Variants in IGF1R observed in about 807,000 individuals in gnomAD.
IGF1R encodes insulin like growth factor 1 receptor, also known as insulin-like growth factor 1 receptor.
Under a neutral mutation model 144.6 loss-of-function variants are expected in IGF1R, and 44 were observed. The ratio of observed to expected loss-of-function variants is 0.30; its 90% CI spans 0.24 to 0.39. IGF1R has a LOEUF of 0.39. Ranked by LOEUF, IGF1R falls within the 10% of genes least tolerant of loss-of-function variation. The pLI is 1.00. For synonymous variants in IGF1R, 795 were observed against 722.8 expected (o/e 1.10, Z -1.60); for missense variants, 1,355 against 1,833.7 (o/e 0.74, Z 4.77).
chr15:98,895,087 A>AT (rs977863403), intron 3 of IGF1R, among the ~76,000 whole-genome samples: 4 of 151,844 alleles, frequency 2.6e-5, no homozygotes, highest in African/African-American at 9.6e-5. Context: ...TGTTAGGGAC[A>AT]TTGGGGACTA....
At chr15:98,692,196 G>A (rs2053493618) in intron 1 of IGF1R, among the ~76,000 whole-genome samples, 1 of 152,072 alleles carries the variant, frequency 6.6e-6, no homozygotes, top group Non-Finnish European at 1.5e-5. Context: ...AAATTAGCTG[G>A]GCATGGTGGT....
intron 2 of IGF1R, among the ~76,000 whole-genome samples, chr15:98,819,495 A>C (rs914155907): frequency 3.9e-5 from 6 of 152,128 alleles, no homozygotes; most frequent in Non-Finnish European, 7.4e-5. Flanking sequence ...GCCCTCCGTG[A>C]ACCAGAAAGT....
At chr15:98,652,656 CA>C (rs1319696903) in intron 1 of IGF1R, among the ~76,000 whole-genome samples, 1 of 152,106 alleles carries the variant, frequency 6.6e-6, no homozygotes, top group Non-Finnish European at 1.5e-5. Flanking sequence ...AGAAGTCAGT[CA>C]CAAAAGACCA....
intron 19 of IGF1R, among the ~76,000 whole-genome samples, chr15:98,944,921 T>C (rs2016495995): frequency 6.6e-6 from 1 of 152,248 alleles, no homozygotes; most frequent in African/African-American, 2.4e-5. Context: ...TGTAGCACAA[T>C]TGCATACCTT....
At chr15:98,686,893 G>A (rs1295929654) in intron 1 of IGF1R, among the ~76,000 whole-genome samples, 4 of 152,152 alleles carry the variant, frequency 2.6e-5, no homozygotes, top group African/African-American at 9.7e-5. Context: ...TGGTCTGGAA[G>A]TCCTGGCCTC....
At chr15:98,808,038 AGTTGTGAG>A (rs1455022843) in intron 2 of IGF1R, among the ~76,000 whole-genome samples, 2 of 152,212 alleles carry the variant, frequency 1.3e-5, no homozygotes, top group Admixed American at 6.5e-5. Context: ...GCAGTAATGA[AGTTGTGAG>A]GACACACAGA....
chr15:98,915,943 G>A, intron 8 of IGF1R, 21 bp from the exon 9 acceptor site: 1 of 1,612,290 alleles, frequency 6.2e-7, no homozygotes, highest in Non-Finnish European at 8.5e-7. Flanking sequence ...TTTCTAGAAT[G>A]TTCTTTGTTC....
At chr15:98,796,583 C>T (rs907460831) in intron 2 of IGF1R, among the ~76,000 whole-genome samples, 1 of 152,220 alleles carries the variant, frequency 6.6e-6, no homozygotes, top group Non-Finnish European at 1.5e-5. Context: ...GGTGTCTCTG[C>T]ACACTACCTG....
Position 98,961,489 on chromosome 15 carries a change from A to G in IGF1R, c.*4047A>G, listed in dbSNP as rs974995621. The G allele has an allele frequency of 1.7e-5, 4 of 233,382 alleles. No homozygotes were observed. The highest frequency in any genetic ancestry group is 5.6e-5 in the Admixed American group (1 of 17,790). 14.5% of individuals were successfully genotyped at this position (233,382 alleles called of 1,614,324 possible). A position where few individuals can be genotyped will look rare whatever the true frequency, so the allele number is the denominator to read the frequency against. On this transcript the variant is annotated 3_prime_UTR_variant, in exon 21 of 21. Transcript: ENST00000650285. ...CCTTGACTATACCAAGGCATCATCT[A>G]TCCACAGTTCTAGCCTAACTTCATG...
chr15:98,918,661 A>C (rs1165477885), intron 10 of IGF1R, among the ~76,000 whole-genome samples: 1 of 152,092 alleles, frequency 6.6e-6, no homozygotes, highest in Admixed American at 6.5e-5. Flanking sequence ...TGGGTGGATC[A>C]CAAGATCAGG....
chr15:98,698,680 G>A (rs1183568255), intron 1 of IGF1R, among the ~76,000 whole-genome samples: 1 of 152,246 alleles, frequency 6.6e-6, no homozygotes, highest in East Asian at 1.9e-4. Context: ...CATGTGATGG[G>A]TGGTTGGTGA....
chr15:98,691,848 A>C (rs915114655), intron 1 of IGF1R, among the ~76,000 whole-genome samples: 5 of 152,174 alleles, frequency 3.3e-5, no homozygotes, highest in Non-Finnish European at 7.3e-5. Flanking sequence ...TGAGGGTTGG[A>C]TCTCTAGAAG....
At chr15:98,701,256 T>G (rs1427216822) in intron 1 of IGF1R, among the ~76,000 whole-genome samples, 3 of 151,960 alleles carry the variant, frequency 2.0e-5, no homozygotes, top group Non-Finnish European at 4.4e-5. Context: ...CCTGTAGACC[T>G]GTAGTAAAAG....
intron 2 of IGF1R, among the ~76,000 whole-genome samples, chr15:98,742,474 C>CGG (rs1366681022): frequency 1.3e-5 from 2 of 151,976 alleles, no homozygotes; most frequent in East Asian, 3.9e-4. Context: ...CATCTTTACG[C>CGG]GGGTGGAGGA....
chr15:98,791,358 TG>T (rs2056123334), intron 2 of IGF1R, among the ~76,000 whole-genome samples: 1 of 152,252 alleles, frequency 6.6e-6, no homozygotes, highest in Non-Finnish European at 1.5e-5. Context: ...TTACTTCACT[TG>T]TAACTTATTA....
intron 1 of IGF1R, among the ~76,000 whole-genome samples, chr15:98,663,912 ATT>A (rs1431190098): frequency 2.6e-5 from 4 of 152,160 alleles, no homozygotes; most frequent in African/African-American, 9.7e-5. Context: ...ACTTGTGTTG[ATT>A]TATGTTTGTA....
chr15:98,925,215 T>A (rs369967670), intron 13 of IGF1R, among the ~76,000 whole-genome samples: 1 of 152,018 alleles, frequency 6.6e-6, no homozygotes, highest in Admixed American at 6.6e-5. Flanking sequence ...CCCACATGCA[T>A]TGGAAATGTA....
rs1298348390 is a variant in IGF1R, at chr15:98,922,439, A to G, written c.2485+8A>G. On this transcript the variant is annotated splice_region_variant and intron_variant, in intron 11 of 20. Transcript: ENST00000650285. ...CAAGGACTATGCCCGCAGGTATGGTATGATCCAGCTGGCCCCATTGCCACC... is the reference window on the plus strand; with the variant it reads ...CAAGGACTATGCCCGCAGGTATGGTGTGATCCAGCTGGCCCCATTGCCACC... 1 of 1,607,082 alleles carries G rather than the reference A, an allele frequency of 6.2e-7. No individual in the cohort carries two copies. The highest frequency in any genetic ancestry group is 8.5e-7 in the Non-Finnish European group (1 of 1,179,998).
rs1038868338 is a variant in IGF1R at position 98,935,034 on chromosome 15, A to C, written c.3167A>C (p.Glu1056Ala). 8 of 1,613,744 alleles carry C rather than the reference A, an allele frequency of 5.0e-6. No individual in the cohort carries two copies. The highest frequency in any genetic ancestry group is 6.8e-6 in the Non-Finnish European group (8 of 1,179,736). ...CTCAACGAAGCTTCTGTGATGAAGG[A>C]GTTCAATTGTCACCATGTGGTAAGA... ...EFLNEASVMK[E>A]FNCHHVVRLL... Residue 1056 changes from glutamate to alanine, a missense_variant, in exon 16 of 21, where the codon GAG (glutamate) becomes GCG (alanine). Physicochemically the swap from Glu to Ala is moderately radical, Grantham distance 107. Transcript: ENST00000650285. The surrounding 1 kb of genome is among the most constrained non-coding windows in gnomAD (Gnocchi z 4.2).
Sources: gnomAD v4.1 joint callset for allele counts (sites outside exome capture counted in the v4.1 genomes callset) on GRCh38, gnomAD v4.1.1 for gene constraint, Gnocchi (gnomAD v3.1) non-coding constraint, MANE v1.5 for transcripts, NCBI Gene and HGNC (gene_info 2026-07-23, HGNC 2026-07-21) for gene names.